The following CSMD1 variants were observed in gnomAD, a reference collection of about 807,000 sequenced individuals.
The protein encoded by CSMD1 is CUB and Sushi multiple domains 1.
CSMD1 carries 213 observed loss-of-function variants against 417.5 expected under a neutral mutation model. That is an observed-to-expected ratio of 0.51 (90% CI 0.46 to 0.57). CSMD1 has a LOEUF of 0.57. CSMD1 is among the 20% of genes least tolerant of loss of function. CSMD1 has a pLI of 0.00. For missense variants in CSMD1, 6,923 were observed against 4,529.7 expected, an observed-to-expected ratio of 1.53 and a Z score of -15.17; for synonymous variants, 2,862 against 1,736.8, an observed-to-expected ratio of 1.65 and a Z score of -16.11.
At chr8:3,618,142 C>T (rs750523423) in intron 7 of CSMD1, among the ~76,000 whole-genome samples, 16 of 152,116 alleles carry the variant, frequency 1.1e-4, no homozygotes, top group Admixed American at 2.6e-4. Context: ...GCTGGTAACA[C>T]AGGCTTGTGC....
At chr8:3,167,848 C>T (rs1266046767) in intron 37 of CSMD1, among the ~76,000 whole-genome samples, 1 of 152,132 alleles carries the variant, frequency 6.6e-6, no homozygotes, top group African/African-American at 2.4e-5. Flanking sequence ...TTTTCTAAAT[C>T]CATCAGGCAA....
chr8:4,263,362 C>G (rs182522376), intron 3 of CSMD1, among the ~76,000 whole-genome samples: 328 of 152,222 alleles, frequency 2.2e-3, no homozygotes, highest in African/African-American at 7.4e-3. Flanking sequence ...GAACAAACTG[C>G]AACAGAATAA....
intron 1 of CSMD1, among the ~76,000 whole-genome samples, chr8:4,697,167 G>C (rs1807188979): frequency 6.6e-6 from 1 of 151,948 alleles, no homozygotes; most frequent in African/African-American, 2.4e-5. Flanking sequence ...ATGAGACTCA[G>C]TCTCAAAAAA....
intron 4 of CSMD1, among the ~76,000 whole-genome samples, chr8:4,022,839 G>C (rs1047238492): frequency 1.3e-5 from 2 of 152,204 alleles, no homozygotes; most frequent in Admixed American, 6.5e-5. Context: ...TCAGAAAGAA[G>C]AAGAGAGTTC....
In CSMD1 at chr8:3,191,754, G is replaced by C. The variant is rs1301817652; in HGVS notation, c.5195-1639C>G. 2.6e-5 allele frequency among the ~76,000 whole-genome samples: 4 copies of C among 152,150 alleles called. 1 individual carries two copies. Among genetic ancestry groups the C allele is most frequent in the Admixed American group, 2.0e-4 (3 of 15,278 alleles). Reference sequence around the variant, plus strand: ...TAAAAAATACTTCAATTGGCAAAGAGGTCCATCACACTAGGCAAACTCTGA... The same window carrying C: ...TAAAAAATACTTCAATTGGCAAAGACGTCCATCACACTAGGCAAACTCTGA... On this transcript the variant is annotated intron_variant, in intron 33 of 69. Coordinates refer to ENST00000635120, the MANE Select transcript of CSMD1 (RefSeq NM_033225.6).
At chr8:3,251,139 G>A (rs12542644) in intron 26 of CSMD1, among the ~76,000 whole-genome samples, 118,693 of 151,864 alleles carry the variant, frequency 0.78, 46,890 homozygotes, top group East Asian at 0.92. Flanking sequence ...GTCCTTGCCC[G>A]TGCCTATGTC....
chr8:4,710,984 G>A (rs143781806), intron 1 of CSMD1, among the ~76,000 whole-genome samples: 1 of 152,060 alleles, frequency 6.6e-6, no homozygotes, highest in Non-Finnish European at 1.5e-5. Flanking sequence ...ATGTGTACTT[G>A]AGTGACATGT....
At chr8:4,519,232 C>T (rs1334462476) in intron 2 of CSMD1, among the ~76,000 whole-genome samples, 1 of 152,050 alleles carries the variant, frequency 6.6e-6, no homozygotes, top group Non-Finnish European at 1.5e-5. Flanking sequence ...TTGTTGCCTT[C>T]TCAATGCATA....
rs201650153 is a variant in CSMD1, at chr8:3,556,874, C to T, written c.1344+18071G>A. On this transcript the variant is annotated intron_variant, in intron 10 of 69. Coordinates refer to ENST00000635120, the MANE Select transcript of CSMD1 (RefSeq NM_033225.6). ...CCTCTGGACAGATCTCAGCACACTT[C>T]GTACTTCACAGGAAAGCCACAAAAA... Among the ~76,000 whole-genome samples the T allele has an allele frequency of 5.9e-5, 9 of 152,238 alleles. No homozygotes were observed. In the East Asian group the frequency reaches 1.2e-3, roughly 20 times the overall value.
At chr8:3,083,669 T>A (rs533589736) in intron 49 of CSMD1, among the ~76,000 whole-genome samples, 40 of 97,266 alleles carry the variant, frequency 4.1e-4, no homozygotes, top group South Asian at 1.1e-3. Context: ...TTTTTTTTTT[T>A]TTTTTTTTTT....
At chr8:4,651,149 T>C (rs1460084629) in intron 1 of CSMD1, among the ~76,000 whole-genome samples, 1 of 152,152 alleles carries the variant, frequency 6.6e-6, no homozygotes, top group East Asian at 1.9e-4. Context: ...TACTATAGTT[T>C]CAACTGAGAA....
intron 1 of CSMD1, among the ~76,000 whole-genome samples, chr8:4,856,676 T>C (rs1479624038): frequency 6.7e-6 from 1 of 148,750 alleles, no homozygotes; most frequent in Non-Finnish European, 1.5e-5. Flanking sequence ...AGAAGGCCAT[T>C]ACATAATGCT....
At chr8:4,334,044 C>G (rs1222082332) in intron 3 of CSMD1, among the ~76,000 whole-genome samples, 1 of 152,006 alleles carries the variant, frequency 6.6e-6, no homozygotes, top group Admixed American at 6.6e-5. Flanking sequence ...GCACCCACCA[C>G]AACATCGTTT....
intron 7 of CSMD1, among the ~76,000 whole-genome samples, chr8:3,678,669 T>A (rs965091650): frequency 9.2e-5 from 14 of 151,882 alleles, no homozygotes; most frequent in Non-Finnish European, 1.9e-4. Flanking sequence ...AACATGCAAA[T>A]TCAGGAAACA....
intron 2 of CSMD1, among the ~76,000 whole-genome samples, chr8:4,505,087 C>T (rs1802451559): frequency 6.6e-6 from 1 of 152,176 alleles, no homozygotes; most frequent in Non-Finnish European, 1.5e-5. Context: ...AACTAATTTA[C>T]ACTCCTACCA....
chr8:4,197,148 T>A (rs1294206209), intron 3 of CSMD1, among the ~76,000 whole-genome samples: 2 of 152,174 alleles, frequency 1.3e-5, no homozygotes, highest in African/African-American at 4.8e-5. Context: ...TACAACAAGG[T>A]TATCACCTGT....
chr8:4,951,941 A>G (rs2117287553), intron 1 of CSMD1, among the ~76,000 whole-genome samples: 1 of 151,624 alleles, frequency 6.6e-6, no homozygotes, highest in East Asian at 1.9e-4. Flanking sequence ...TTTTTCCCCT[A>G]GGCCTGAAAC....
intron 10 of CSMD1, among the ~76,000 whole-genome samples, chr8:3,549,050 C>G (rs1176937130): frequency 1.3e-5 from 2 of 152,174 alleles, no homozygotes; most frequent in African/African-American, 4.8e-5. Context: ...CGAAGCCATC[C>G]CTGATATCAA....
chr8:4,642,021 A>T (rs1803224709), intron 1 of CSMD1, among the ~76,000 whole-genome samples: 1 of 152,192 alleles, frequency 6.6e-6, no homozygotes. Flanking sequence ...TGGATTAAAT[A>T]CTTGCCAGTC....
Sources: allele counts gnomAD v4.1 joint callset (sites outside exome capture counted in the v4.1 genomes callset), GRCh38; gene constraint gnomAD v4.1.1; transcripts MANE v1.5; gene names NCBI Gene and HGNC (gene_info 2026-07-23, HGNC 2026-07-21).